OCRL: variants seen among roughly 807,000 people sequenced by gnomAD.
OCRL encodes the protein inositol polyphosphate 5-phosphatase OCRL.
OCRL carries 8 observed loss-of-function variants against 78.9 expected under a neutral mutation model. The observed-to-expected ratio is 0.10, with a 90% CI of 0.06 to 0.18. The LOEUF is 0.18. OCRL is among the 10% of genes least tolerant of loss of function. The probability of loss-of-function intolerance (pLI) is 1.00; values close to 1 mark genes in which losing one functional copy is unlikely to be tolerated. For synonymous variants in OCRL, 240 were observed against 235.4 expected, an observed-to-expected ratio of 1.02 and a Z score of -0.18; for missense variants, 454 against 696.7, an observed-to-expected ratio of 0.65 and a Z score of 3.92.
At chrX:129,573,916 T>C (rs1479089321) in intron 15 of OCRL, among the ~76,000 whole-genome samples, 1 of 112,431 alleles carries the variant, frequency 8.9e-6, no homozygotes, top group Admixed American at 9.4e-5. Context: ...TTACCACATT[T>C]TCTTTATCAA....
chrX:129,559,063 T>A, intron 8 of OCRL, 62 bp downstream of exon 8: 1 of 1,029,068 alleles, frequency 9.7e-7, no homozygotes, highest in East Asian at 3.0e-5. Context: ...CAGTGGCCTG[T>A]TGATATTTAA....
chrX:129,564,887 A>C (rs923503517), intron 12 of OCRL, among the ~76,000 whole-genome samples: 2 of 111,596 alleles, frequency 1.8e-5, no homozygotes, highest in Non-Finnish European at 3.8e-5. Flanking sequence ...AATTTAAAAA[A>C]TTAATATAGA....
intron 12 of OCRL, 94 bp from the exon 13 acceptor site, chrX:129,565,678 T>C (rs1334355830): frequency 1.5e-5 from 10 of 662,537 alleles, no homozygotes; most frequent in Non-Finnish European, 2.2e-5. Flanking sequence ...GAGTGAGCCC[T>C]TATCAATAAT....
At chrX:129,589,665 T>C (rs1179898763) in intron 22 of OCRL, 180 bp from the exon 23 acceptor site, 2 of 455,168 alleles carry the variant, frequency 4.4e-6, no homozygotes, top group African/African-American at 4.8e-5. Context: ...CGGCCACTCT[T>C]ACTTTGAAGT....
At position 129,588,263 on chromosome X, in the gene OCRL, C is replaced by T. The variant is rs1189232909; in HGVS notation, c.2341C>T (p.Pro781Ser). Residue 781 changes from proline (P) to serine (S), a missense_variant and splice_region_variant, in exon 21 of 24, where the codon CCT becomes TCT. Coordinates refer to ENST00000371113, the MANE Select transcript of OCRL (RefSeq NM_000276.4). ...CLDTSIPETIPGSNHSVAEAL... is the reference protein window; with the variant it reads ...CLDTSIPETISGSNHSVAEAL... Reference sequence around the variant, plus strand: ...GGATACCAGCATTCCTGAGACAATCCGTATCCTTTGCGACCAAAGCTTAAG... The same window carrying T: ...GGATACCAGCATTCCTGAGACAATCTGTATCCTTTGCGACCAAAGCTTAAG... 8.4e-7 allele frequency: 1 copy of T among 1,185,009 alleles called. No homozygotes were observed.
At chrX:129,575,857 T>G in intron 16 of OCRL, 40 bp from the exon 17 acceptor site, 1 of 1,198,277 alleles carries the variant, frequency 8.3e-7, no homozygotes, top group Admixed American at 2.2e-5. Flanking sequence ...TTACTTCCCC[T>G]ACTAGTGATG....
At chrX:129,580,998 G>A (rs1240111172) in intron 18 of OCRL, among the ~76,000 whole-genome samples, 1 of 111,607 alleles carries the variant, frequency 9.0e-6, no homozygotes, top group African/African-American at 3.3e-5. Context: ...CCGAGTAACT[G>A]GGACTACAGG....
chrX:129,586,448 A>C (rs1271869411), intron 19 of OCRL, among the ~76,000 whole-genome samples: 1 of 112,403 alleles, frequency 8.9e-6, no homozygotes, highest in Non-Finnish European at 1.9e-5. Context: ...TCAAGCCTGA[A>C]GTATTTACAT....
intron 12 of OCRL, among the ~76,000 whole-genome samples, chrX:129,563,574 T>C (rs1039508745): frequency 3.6e-5 from 4 of 111,507 alleles, no homozygotes; most frequent in Non-Finnish European, 7.5e-5. Context: ...TTATTGTGGA[T>C]TCCTTTCCAA....
chrX:129,551,039 T>C (rs1167988060), intron 4 of OCRL, among the ~76,000 whole-genome samples: 1 of 111,717 alleles, frequency 9.0e-6, no homozygotes, highest in African/African-American at 3.3e-5. Context: ...TTGGTATTTA[T>C]GGAGATGATT....
At chrX:129,574,990 G>A (rs1936350112) in intron 15 of OCRL, 150 bp from the exon 16 acceptor site, 2 of 472,993 alleles carry the variant, frequency 4.2e-6, no homozygotes, top group Admixed American at 3.1e-5. Context: ...TGTGGATGAA[G>A]CAAGATATAG....
At position 129,591,809 on chromosome X, in the gene OCRL, A is replaced by C. The variant is rs187292243; in HGVS notation, c.*1539A>C. 349 of 112,508 alleles carry C rather than the reference A, an allele frequency of 3.1e-3. 3 individuals carry two copies. The highest frequency in any genetic ancestry group is 0.011 in the African/African-American group (326 of 30,643). The allele number at this position is 112,508 out of a possible 1,213,427, so 9.3% of individuals were successfully genotyped here. Reference sequence around the variant, plus strand: ...GAGTTAAAGCAATAGGAGTCAAGTTACTGGTGCCACAGATCTGGAGGTATG... The same window carrying C: ...GAGTTAAAGCAATAGGAGTCAAGTTCCTGGTGCCACAGATCTGGAGGTATG... On this transcript the variant is annotated 3_prime_UTR_variant, in exon 24 of 24. Coordinates refer to ENST00000371113, the MANE Select transcript of OCRL (RefSeq NM_000276.4).
At chrX:129,551,272 C>T (rs753201602) in intron 4 of OCRL, among the ~76,000 whole-genome samples, 88 of 111,566 alleles carry the variant, frequency 7.9e-4, no homozygotes, top group African/African-American at 2.8e-3. Flanking sequence ...ACACAGATAC[C>T]TATAATTCAA....
intron 16 of OCRL, 30 bp downstream of exon 16, chrX:129,575,280 A>G (rs1007741579): frequency 2.0e-5 from 19 of 945,726 alleles, no homozygotes; most frequent in Admixed American, 1.1e-4. Flanking sequence ...CTCCCTGTCT[A>G]CTGCTCACTG....
At position 129,582,040 on chromosome X, in the gene OCRL, C is replaced by G. The variant is rs188085774; in HGVS notation, c.2116-2304C>G. Among the ~76,000 whole-genome samples, 89 of 108,508 alleles carry G rather than the reference C, an allele frequency of 8.2e-4. 1 individual carries two copies. Among genetic ancestry groups the G allele is most frequent in the South Asian group, 2.0e-3 (5 of 2,455 alleles). The allele number at this position is 108,508 out of a possible 115,157, so 94.2% of individuals were successfully genotyped here. ...TCATGCAAGGTCCTCCTAAGTCTGA[C>G]TTCAACATACCTTTTCAGATTTATT... On this transcript the variant is annotated intron_variant, in intron 18 of 23. Transcript: ENST00000371113.
chrX:129,576,349 G>A lies in OCRL; in HGVS notation c.1912G>A (p.Val638Ile), dbSNP rs1936369156. The A allele has an allele frequency of 8.3e-7, 1 of 1,209,829 alleles. No homozygotes were observed. The highest frequency in any genetic ancestry group is 1.1e-6 in the Non-Finnish European group (1 of 893,699). The change falls in exon 18 of 24, where the codon GTC becomes ATC. Residue 638 changes from valine to isoleucine, a missense_variant. Coordinates refer to ENST00000371113, the MANE Select transcript of OCRL (RefSeq NM_000276.4). The stretch of plus-strand genomic sequence containing the variant: ...AGTGGACATTTCTCTTGATGTGTAT[G>A]TCAGCAAAGACTCTGTAACCATCCT... ...ETVDISLDVYVSKDSVTILNS... is the reference protein window; with the variant it reads ...ETVDISLDVYISKDSVTILNS...
At chrX:129,567,401 G>C (rs764360237) in intron 14 of OCRL, 38 bp downstream of exon 14, 1 of 972,465 alleles carries the variant, frequency 1.0e-6, no homozygotes, top group South Asian at 2.0e-5. Context: ...GAAGGTTAAG[G>C]CTTGATCTTA....
In OCRL at chrX:129,587,837, C is replaced by A. The variant is rs1447870129; in HGVS notation, c.2257-342C>A. Among the ~76,000 whole-genome samples, 5 of 108,798 alleles carry A rather than the reference C, an allele frequency of 4.6e-5. No homozygotes were observed. The East Asian group carries it at 1.4e-3, about 31-fold the overall frequency. 94.5% of individuals were successfully genotyped at this position (108,798 alleles called of 115,157 possible). On this transcript the variant is annotated intron_variant, in intron 20 of 23. Coordinates refer to ENST00000371113, the MANE Select transcript of OCRL (RefSeq NM_000276.4). The stretch of plus-strand genomic sequence containing the variant: ...ATTGCTTGAGCTCAGGAGTTTGAGA[C>A]CAGCCTGGGCAACACGGTGAAACCC...
At chrX:129,567,152 G>T in intron 13 of OCRL, 102 bp from the exon 14 acceptor site, 1 of 569,638 alleles carries the variant, frequency 1.8e-6, no homozygotes, top group South Asian at 2.4e-5. Context: ...AAAGGTTGTG[G>T]AACTAGATAC....
Sources: allele counts gnomAD v4.1 joint callset (sites outside exome capture counted in the v4.1 genomes callset), GRCh38; gene constraint gnomAD v4.1.1; transcripts MANE v1.5; gene names NCBI Gene and HGNC (gene_info 2026-07-23, HGNC 2026-07-21).